The following RARB variants were observed in gnomAD, a reference collection of about 807,000 sequenced individuals.
RARB encodes the protein HBV-activated protein.
A neutral mutation model predicts 51.9 loss-of-function variants in RARB; 17 were observed. That is an observed-to-expected ratio of 0.33 (90% CI 0.22 to 0.49). The LOEUF (loss-of-function observed/expected upper bound fraction) is 0.49, where lower values mean the gene tolerates loss of function less well. Ranked by LOEUF, RARB falls within the 20% of genes least tolerant of loss-of-function variation. RARB has a pLI of 0.99. For synonymous variants in RARB, 215 were observed against 195.4 expected (o/e 1.10, Z -0.84); for missense variants, 369 against 550.8 (o/e 0.67, Z 3.30).
At chr3:24,957,158 G>GT (rs1038665579) in intron 2 of RARB, among the ~76,000 whole-genome samples, 1 of 152,118 alleles carries the variant, frequency 6.6e-6, no homozygotes, top group African/African-American at 2.4e-5. Flanking sequence ...GGGCTAATGA[G>GT]TGCCTCACTT....
chr3:25,593,711 C>T lies in RARB; in HGVS notation c.991+4C>T. 1 of 1,611,812 alleles carries T rather than the reference C, an allele frequency of 6.2e-7. No homozygotes were observed. The highest frequency in any genetic ancestry group is 8.5e-7 in the Non-Finnish European group (1 of 1,178,018). On this transcript the variant is annotated splice_donor_region_variant and intron_variant, in intron 6 of 7. Coordinates refer to ENST00000330688, the MANE Select transcript of RARB (RefSeq NM_000965.5). ...GCCATCTGCTTAATCTGTGGAGGTACCAACTATGTAGAAAAGCCTCATGAA... is the reference window on the plus strand; with the variant it reads ...GCCATCTGCTTAATCTGTGGAGGTATCAACTATGTAGAAAAGCCTCATGAA...
chr3:25,274,652 G>A (rs953503477), intron 5 of RARB, among the ~76,000 whole-genome samples: 1 of 151,950 alleles, frequency 6.6e-6, no homozygotes, highest in Non-Finnish European at 1.5e-5. Flanking sequence ...TATTTTTTTT[G>A]TAGGTCAGCC....
intron 5 of RARB, among the ~76,000 whole-genome samples, chr3:25,307,886 T>C (rs957423403): frequency 6.6e-6 from 1 of 152,224 alleles, no homozygotes; most frequent in African/African-American, 2.4e-5. Flanking sequence ...CACAATCATG[T>C]TTATTTGTTT....
chr3:24,961,574 C>T (rs1362408101), intron 2 of RARB, among the ~76,000 whole-genome samples: 1 of 151,954 alleles, frequency 6.6e-6, no homozygotes, highest in African/African-American at 2.4e-5. Context: ...ATGAGACTTT[C>T]CAGGTTGTTC....
chr3:24,893,487 C>T (rs934154438), intron 2 of RARB, among the ~76,000 whole-genome samples: 1 of 152,154 alleles, frequency 6.6e-6, no homozygotes, highest in African/African-American at 2.4e-5. Flanking sequence ...ACAGCTCACG[C>T]TGATGACATA....
rs552799088 is a variant in RARB, at chr3:24,851,645, G to T, written c.-458-7029G>T. On this transcript the variant is annotated intron_variant, in intron 1 of 11. Coordinates refer to the RARB transcript ENST00000383772. ...AAGCACTCAAACATGAATAGCAGTT[G>T]TCAGAATTTACATCTTTTGATGGTA... Among the ~76,000 whole-genome samples, 4 of 152,188 alleles carry T rather than the reference G, an allele frequency of 2.6e-5. 1 individual carries two copies. Among genetic ancestry groups the T allele is most frequent in the Non-Finnish European group, 5.9e-5 (4 of 68,034 alleles).
At chr3:25,235,308 C>T (rs1702277143) in intron 5 of RARB, among the ~76,000 whole-genome samples, 1 of 152,106 alleles carries the variant, frequency 6.6e-6, no homozygotes, top group Admixed American at 6.5e-5. Context: ...TTGATCAGTA[C>T]TGCAAGTTCT....
intron 2 of RARB, among the ~76,000 whole-genome samples, chr3:25,014,150 T>C (rs868723770): frequency 6.6e-6 from 1 of 152,190 alleles, no homozygotes; most frequent in South Asian, 2.1e-4. Context: ...TTGTGGCATA[T>C]GTTTTTTCCC....
chr3:24,883,674 A>C (rs568422220), intron 2 of RARB, among the ~76,000 whole-genome samples: 3 of 152,256 alleles, frequency 2.0e-5, no homozygotes, highest in Non-Finnish European at 4.4e-5. Context: ...CATTCCTGTT[A>C]AATCAATTGT....
intron 2 of RARB, among the ~76,000 whole-genome samples, chr3:24,955,304 T>A (rs537400626): frequency 6.6e-6 from 1 of 152,294 alleles, no homozygotes; most frequent in South Asian, 2.1e-4. Flanking sequence ...CAGTTGTTTC[T>A]CCTCTTAACA....
intron 2 of RARB, among the ~76,000 whole-genome samples, chr3:24,870,460 C>T (rs922906718): frequency 1.3e-5 from 2 of 151,970 alleles, no homozygotes; most frequent in Non-Finnish European, 2.9e-5. Context: ...TTTCTGGGCT[C>T]TTAGTTATGT....
chr3:24,897,778 G>C (rs1255067767), intron 2 of RARB, among the ~76,000 whole-genome samples: 1 of 129,198 alleles, frequency 7.7e-6, no homozygotes, highest in African/African-American at 2.9e-5. Flanking sequence ...TAAATGTTTT[G>C]TTACAATTTG....
Position 25,254,609 on chromosome 3 carries a change from G to T in RARB, c.178+80034G>T, listed in dbSNP as rs180989938. Reference sequence around the variant, plus strand: ...TCACTTACAGCTGGGGGGTCGGGGGGTGCTATTGAAATCATGCCTAAAATA... The same window carrying T: ...TCACTTACAGCTGGGGGGTCGGGGGTTGCTATTGAAATCATGCCTAAAATA... On this transcript the variant is annotated intron_variant, in intron 5 of 11. Coordinates refer to the RARB transcript ENST00000383772. Among the ~76,000 whole-genome samples, 414 of 151,892 alleles carry T rather than the reference G, an allele frequency of 2.7e-3. 2 individuals are homozygous for T. The highest frequency in any genetic ancestry group is 9.6e-3 in the African/African-American group (398 of 41,432).
At chr3:24,953,312 A>G (rs998673950) in intron 2 of RARB, among the ~76,000 whole-genome samples, 6 of 152,234 alleles carry the variant, frequency 3.9e-5, no homozygotes, top group Non-Finnish European at 8.8e-5. Flanking sequence ...GAGATCAGAA[A>G]AAAAAGAAAT....
intron 2 of RARB, among the ~76,000 whole-genome samples, chr3:24,949,437 TAGG>T (rs1381467272): frequency 4.6e-5 from 7 of 152,132 alleles, no homozygotes; most frequent in African/African-American, 1.2e-4. Flanking sequence ...GAAGATCAAA[TAGG>T]AGGAAAGGGA....
At chr3:24,869,428 T>C (rs567430717) in intron 2 of RARB, among the ~76,000 whole-genome samples, 1 of 152,250 alleles carries the variant, frequency 6.6e-6, no homozygotes, top group African/African-American at 2.4e-5. Context: ...ATTAAAACAC[T>C]TATTTTCTTT....
At chr3:25,119,993 C>A (rs1210862884) in intron 3 of RARB, among the ~76,000 whole-genome samples, 1 of 151,996 alleles carries the variant, frequency 6.6e-6, no homozygotes, top group African/African-American at 2.4e-5. Context: ...TTAGAGTGCC[C>A]CCCAGCTCCA....
chr3:24,883,437 G>C (rs1703210874), intron 2 of RARB, among the ~76,000 whole-genome samples: 1 of 150,368 alleles, frequency 6.7e-6, no homozygotes, highest in South Asian at 2.1e-4. Flanking sequence ...AAAGAGTGGT[G>C]GTCTATGAAG....
At chr3:24,895,362 C>A (rs2125367204) in intron 2 of RARB, among the ~76,000 whole-genome samples, 1 of 152,272 alleles carries the variant, frequency 6.6e-6, no homozygotes, top group Admixed American at 6.5e-5. Context: ...TGTTGTACAT[C>A]AGAATCACCT....
Sources: gnomAD v4.1 joint callset for allele counts (sites outside exome capture counted in the v4.1 genomes callset) on GRCh38, gnomAD v4.1.1 for gene constraint, MANE v1.5 for transcripts, NCBI Gene and HGNC (gene_info 2026-07-23, HGNC 2026-07-21) for gene names.